PGR: variants seen among roughly 807,000 people sequenced by gnomAD.
PGR encodes the protein progesterone receptor.
A neutral mutation model predicts 76.1 loss-of-function variants in PGR; 25 were observed. The observed-to-expected ratio is 0.33, with a 90% CI of 0.24 to 0.46. The LOEUF (loss-of-function observed/expected upper bound fraction) is 0.46, where lower values mean the gene tolerates loss of function less well. Ranked by LOEUF, PGR falls within the 20% of genes least tolerant of loss-of-function variation. PGR has a pLI of 1.00. For synonymous variants in PGR, 579 were observed against 535.0 expected, an observed-to-expected ratio of 1.08 and a Z score of -1.14; for missense variants, 1,172 against 1,225.3, an observed-to-expected ratio of 0.96 and a Z score of 0.65.
At chr11:101,063,268 T>G (rs1860581724) in intron 3 of PGR, 1 of 152,874 alleles carries the variant, frequency 6.5e-6, no homozygotes, top group Non-Finnish European at 1.5e-5. Flanking sequence ...CAAAATCTTT[T>G]TATACAATTT....
intron 7 of PGR, among the ~76,000 whole-genome samples, chr11:101,040,804 C>T (rs546886197): frequency 6.0e-4 from 91 of 152,108 alleles, no homozygotes; most frequent in African/African-American, 2.0e-3. Context: ...GCAACTTTTG[C>T]GATTTCTTAC....
chr11:101,104,772 T>C (rs2135476641), intron 2 of PGR, among the ~76,000 whole-genome samples: 1 of 152,356 alleles, frequency 6.6e-6, no homozygotes, highest in South Asian at 2.1e-4. Flanking sequence ...AGCAGATTAT[T>C]ATCCAAATTT....
At position 101,128,372 on chromosome 11, in the gene PGR, C is replaced by G; in HGVS notation, c.699G>C (p.Ala233=). The G allele has an allele frequency of 6.2e-7, 1 of 1,607,230 alleles. No homozygotes were observed. The highest frequency in any genetic ancestry group is 2.2e-5 in the East Asian group (1 of 44,796). ...GAGGTTTGCCCTTCAGAAGCGGACC[C>G]GCAGACTCCTCGGACTCAGAGCCAT... ...EEDGSESEES[A]GPLLKGKPRA... Residue 233 remains alanine, a synonymous_variant, in exon 1 of 8, where the codon GCG becomes GCC. Coordinates refer to ENST00000325455, the MANE Select transcript of PGR (RefSeq NM_000926.4).
At chr11:101,068,638 T>C (rs1591386201) in intron 3 of PGR, among the ~76,000 whole-genome samples, 2 of 151,916 alleles carry the variant, frequency 1.3e-5, no homozygotes, top group African/African-American at 4.8e-5. Flanking sequence ...CTACAGTAAC[T>C]AAAACAGCAT....
intron 3 of PGR, 149 bp from the exon 4 acceptor site, chr11:101,062,901 T>C: frequency 1.7e-6 from 1 of 579,032 alleles, no homozygotes; most frequent in Non-Finnish European, 2.9e-6. Flanking sequence ...GATATTAAAA[T>C]TACAAAAAAT....
chr11:101,085,349 A>G (rs1016378820), intron 3 of PGR, among the ~76,000 whole-genome samples: 2 of 142,110 alleles, frequency 1.4e-5, no homozygotes, highest in African/African-American at 5.2e-5. Context: ...TGAGTAAACA[A>G]TAAAATCAAG....
At chr11:101,058,884 G>C (rs983029265) in intron 4 of PGR, among the ~76,000 whole-genome samples, 8 of 152,132 alleles carry the variant, frequency 5.3e-5, no homozygotes, top group Admixed American at 2.0e-4. Context: ...TTACCATTTG[G>C]GTGATTAAAT....
chr11:101,083,352 T>C (rs1861374753), intron 3 of PGR, among the ~76,000 whole-genome samples: 1 of 152,098 alleles, frequency 6.6e-6, no homozygotes. Flanking sequence ...ACTAGGACAG[T>C]GTGAAAGGGA....
At chr11:101,059,428 C>T (rs1269294670) in intron 4 of PGR, among the ~76,000 whole-genome samples, 2 of 151,910 alleles carry the variant, frequency 1.3e-5, no homozygotes, top group Admixed American at 1.3e-4. Flanking sequence ...GAAAATATTG[C>T]CCACTAAGGC....
Position 101,128,118 on chromosome 11 carries a change from G to A in PGR, c.953C>T (p.Ala318Val). Residue 318 changes from alanine (A) to valine (V), a missense_variant, in exon 1 of 8, where the codon GCC (alanine) becomes GTC (valine). Ala to Val is a moderately conservative substitution (Grantham distance 64, BLOSUM62 0). This residue lies in a region of PGR where 893 missense variants were observed against 785.9 expected (regional missense o/e 1.14). Transcript: ENST00000325455. ...GTCTTCCAGCAGCTGCCGAGTGCGG[G>A]CTGCCAATAAGGCGTGATTGAGAGG... The part of the protein sequence containing the change: ...ILPLNHALLA[A>V]RTRQLLEDES... 6.3e-7 allele frequency: 1 copy of A among 1,598,166 alleles called. No individual in the cohort carries two copies. Among genetic ancestry groups the A allele is most frequent in the Non-Finnish European group, 8.5e-7 (1 of 1,179,664 alleles).
chr11:101,121,658 A>C (rs1862680574), intron 2 of PGR, among the ~76,000 whole-genome samples: 1 of 152,194 alleles, frequency 6.6e-6, no homozygotes, highest in South Asian at 2.1e-4. Flanking sequence ...CGAATCACTT[A>C]CCACATGTGC....
At chr11:101,118,280 AAG>A (rs1360696689) in intron 2 of PGR, among the ~76,000 whole-genome samples, 1 of 152,224 alleles carries the variant, frequency 6.6e-6, no homozygotes, top group East Asian at 1.9e-4. Flanking sequence ...TTAGTAAACA[AAG>A]AGACATTAGA....
intron 2 of PGR, among the ~76,000 whole-genome samples, chr11:101,124,381 C>T (rs1172108693): frequency 1.3e-5 from 2 of 152,166 alleles, no homozygotes; most frequent in Non-Finnish European, 2.9e-5. Flanking sequence ...TATATATCTA[C>T]TTTTGCATAT....
At chr11:101,092,196 T>C (rs1752435680) in intron 2 of PGR, among the ~76,000 whole-genome samples, 1 of 152,224 alleles carries the variant, frequency 6.6e-6, no homozygotes, top group South Asian at 2.1e-4. Flanking sequence ...CAAGATTAGC[T>C]ACACGTTTCT....
At chr11:101,048,253 C>A (rs1195744573) in intron 6 of PGR, among the ~76,000 whole-genome samples, 1 of 152,074 alleles carries the variant, frequency 6.6e-6, no homozygotes, top group Admixed American at 6.6e-5. Context: ...AAAAATAATT[C>A]TAAACAAAAT....
chr11:101,114,949 AC>A (rs1862456484), intron 2 of PGR, among the ~76,000 whole-genome samples: 1 of 152,074 alleles, frequency 6.6e-6, no homozygotes, highest in Admixed American at 6.6e-5. Context: ...AATTGTAAAC[AC>A]CCCATTGTGC....
chr11:101,090,391 C>A (rs996858107), intron 3 of PGR, among the ~76,000 whole-genome samples: 5 of 152,192 alleles, frequency 3.3e-5, no homozygotes, highest in African/African-American at 1.2e-4. Flanking sequence ...ATCTAAGTGT[C>A]AGCATTAGAT....
intron 2 of PGR, among the ~76,000 whole-genome samples, chr11:101,099,414 A>C (rs1565357983): frequency 6.6e-6 from 1 of 152,198 alleles, no homozygotes; most frequent in African/African-American, 2.4e-5. Context: ...AATGATTGGA[A>C]GGGGCAAAAT....
intron 2 of PGR, among the ~76,000 whole-genome samples, chr11:101,105,459 C>T (rs1047146232): frequency 5.5e-5 from 8 of 146,136 alleles, no homozygotes; most frequent in Admixed American, 2.0e-4. Flanking sequence ...AAGGAGGAGA[C>T]AATTGATTTA....
Sources: gnomAD v4.1 joint callset for allele counts (sites outside exome capture counted in the v4.1 genomes callset) on GRCh38, gnomAD v4.1.1 for gene constraint, gnomAD v4.1.1 regional missense constraint, MANE v1.5 for transcripts, NCBI Gene and HGNC (gene_info 2026-07-23, HGNC 2026-07-21) for gene names.